Variants in MMP26 observed in about 807,000 individuals in gnomAD.
MMP26 encodes the protein matrix metallopeptidase 26.
MMP26 carries 33 observed loss-of-function variants against 31.0 expected under a neutral mutation model. The observed-to-expected ratio is 1.06, with a 90% CI of 0.81 to 1.42. The LOEUF (loss-of-function observed/expected upper bound fraction) is 1.42, where lower values mean the gene tolerates loss of function less well. Among genes scored for constraint, MMP26 ranks in the 40% most tolerant of loss-of-function variants. The probability of loss-of-function intolerance (pLI) is 0.00; values close to 1 mark genes in which losing one functional copy is unlikely to be tolerated. For missense variants in MMP26, 347 were observed against 316.1 expected (o/e 1.10, Z -0.74); for synonymous variants, 122 against 114.9 (o/e 1.06, Z -0.40).
chr11:4,879,645 G>T (rs879308613), intron 2 of MMP26, among the ~76,000 whole-genome samples: 10 of 152,090 alleles, frequency 6.6e-5, no homozygotes, highest in African/African-American at 1.9e-4. Flanking sequence ...AACTCATAAG[G>T]TTGATTAAGA....
Position 4,856,522 on chromosome 11 carries a change from C to A in MMP26, c.-145+89181C>A, listed in dbSNP as rs555002985. 3.3e-5 allele frequency among the ~76,000 whole-genome samples: 5 copies of A among 152,322 alleles called. No individual in the cohort carries two copies. In the South Asian group the frequency reaches 1.0e-3, roughly 32 times the overall value. ...GGATCAATTCAACAAGAAGAGCTAA[C>A]TGTCCTAAATATATATGCGCCCAAT... On this transcript the variant is annotated intron_variant, in intron 2 of 7. Transcript: ENST00000380390.
chr11:4,733,230 A>C (rs1281161001), intron 1 of MMP26, among the ~76,000 whole-genome samples: 1 of 152,220 alleles, frequency 6.6e-6, no homozygotes, highest in Non-Finnish European at 1.5e-5. Flanking sequence ...TTACATTTGT[A>C]GACCAACTTG....
At chr11:4,817,875 G>A (rs1167231819) in intron 2 of MMP26, among the ~76,000 whole-genome samples, 1 of 152,082 alleles carries the variant, frequency 6.6e-6, no homozygotes, top group Non-Finnish European at 1.5e-5. Context: ...AAATACACTT[G>A]GCTGGAGAGT....
At chr11:4,845,299 A>C (rs1849851658) in intron 2 of MMP26, among the ~76,000 whole-genome samples, 1 of 152,124 alleles carries the variant, frequency 6.6e-6, no homozygotes, top group Non-Finnish European at 1.5e-5. Context: ...TCATGGACTG[A>C]AAGAATAAAT....
intron 2 of MMP26, among the ~76,000 whole-genome samples, chr11:4,920,545 A>G (rs937459093): frequency 4.6e-5 from 7 of 152,176 alleles, no homozygotes; most frequent in African/African-American, 1.4e-4. Context: ...CAGATGTAAG[A>G]AGTGCTCAGA....
intron 6 of MMP26, 120 bp downstream of exon 6, chr11:4,991,616 C>G: frequency 7.9e-7 from 1 of 1,262,454 alleles, no homozygotes. Flanking sequence ...GCTGAGGAAT[C>G]AGGTCTTCTT....
Position 4,989,787 on chromosome 11 carries a change from C to G in MMP26, c.239C>G (p.Pro80Arg). ...DMQMHALLHQ[P>R]HCGVPDGSDT... The stretch of plus-strand genomic sequence containing the variant: ...CAGATGCATGCTCTGCTACACCAGC[C>G]CCACTGTGGGGTGCCTGATGGGTCC... The change falls in exon 4 of 8, where the codon CCC becomes CGC. Residue 80 changes from proline to arginine, a missense_variant. By Grantham distance (103) the Pro-to-Arg change is moderately radical. Coordinates refer to ENST00000380390, the MANE Select transcript of MMP26 (RefSeq NM_021801.5). 1 of 1,613,860 alleles carries G rather than the reference C, an allele frequency of 6.2e-7. No individual in the cohort carries two copies. Among genetic ancestry groups the G allele is most frequent in the Non-Finnish European group, 8.5e-7 (1 of 1,180,028 alleles).
chr11:4,771,478 G>A (rs570185782), intron 2 of MMP26, among the ~76,000 whole-genome samples: 6 of 152,304 alleles, frequency 3.9e-5, no homozygotes, highest in South Asian at 2.1e-4. Context: ...AGGAGACAGC[G>A]AATGAGAAGG....
chr11:4,831,039 T>G (rs538266801), intron 2 of MMP26, among the ~76,000 whole-genome samples: 5 of 152,262 alleles, frequency 3.3e-5, no homozygotes, highest in African/African-American at 1.2e-4. Flanking sequence ...AGCTCCTAAC[T>G]CGGGTCAATA....
intron 2 of MMP26, among the ~76,000 whole-genome samples, chr11:4,918,890 C>T (rs983905992): frequency 3.3e-5 from 5 of 152,190 alleles, no homozygotes; most frequent in African/African-American, 1.2e-4. Context: ...CTCCTTGTTT[C>T]TTGGAAATAA....
intron 2 of MMP26, among the ~76,000 whole-genome samples, chr11:4,969,501 A>C (rs1326159102): frequency 6.6e-6 from 1 of 152,064 alleles, no homozygotes; most frequent in African/African-American, 2.4e-5. Flanking sequence ...TATCTCAAGT[A>C]ATTTACCTGT....
At position 4,965,045 on chromosome 11, in the gene MMP26, C is replaced by T. The variant is rs75284843; in HGVS notation, c.-144-23023C>T. ...GTACACATTTACCTATGTAACAAAC[C>T]TGTCCACATGCTGCACATGTACCGC... On this transcript the variant is annotated intron_variant, in intron 2 of 7. Coordinates refer to ENST00000380390, the MANE Select transcript of MMP26 (RefSeq NM_021801.5). Among the ~76,000 whole-genome samples the T allele has an allele frequency of 5.1e-3, 772 of 152,262 alleles. 2 individuals carry two copies. Among genetic ancestry groups the T allele is most frequent in the South Asian group, 0.016 (77 of 4,826 alleles).
intron 2 of MMP26, among the ~76,000 whole-genome samples, chr11:4,972,383 G>A (rs1048480089): frequency 2.0e-5 from 3 of 152,150 alleles, no homozygotes; most frequent in African/African-American, 7.2e-5. Context: ...TTCATGTTAA[G>A]GAAGGAGATA....
At chr11:4,721,659 G>C (rs1848015144) in intron 1 of MMP26, among the ~76,000 whole-genome samples, 1 of 152,116 alleles carries the variant, frequency 6.6e-6, no homozygotes, top group South Asian at 2.1e-4. Context: ...ATTTTGACTG[G>C]AAACTTGTGC....
chr11:4,729,085 G>T (rs903142161), intron 1 of MMP26, among the ~76,000 whole-genome samples: 42 of 151,158 alleles, frequency 2.8e-4, no homozygotes, highest in African/African-American at 9.7e-4. Context: ...TTTTTGCCAT[G>T]ACTAAAAAAA....
At chr11:4,730,653 T>C (rs1848162237) in intron 1 of MMP26, among the ~76,000 whole-genome samples, 1 of 152,198 alleles carries the variant, frequency 6.6e-6, no homozygotes, top group African/African-American at 2.4e-5. Context: ...TCTGGATCTC[T>C]ATCACAATGC....
rs1019517735 is a variant in MMP26, at chr11:4,781,318, T to C, written c.-145+13977T>C. On this transcript the variant is annotated intron_variant, in intron 2 of 7. Coordinates refer to ENST00000380390, the MANE Select transcript of MMP26 (RefSeq NM_021801.5). ...AAAACTGATTGCAGGGAGGCCGAGG[T>C]GGGTGGATCATGAGGTCAGGAGATC... Among the ~76,000 whole-genome samples, 4 of 71,562 alleles carry C rather than the reference T, an allele frequency of 5.6e-5. No homozygotes were observed. In the East Asian group the frequency reaches 6.0e-4, roughly 11 times the overall value. 46.9% of individuals were successfully genotyped at this position (71,562 alleles called of 152,430 possible).
At chr11:4,935,529 C>T (rs1174501939) in intron 2 of MMP26, among the ~76,000 whole-genome samples, 2 of 151,416 alleles carry the variant, frequency 1.3e-5, no homozygotes, top group African/African-American at 4.8e-5. Flanking sequence ...CAAACAGGGA[C>T]AATTTGACTT....
intron 1 of MMP26, among the ~76,000 whole-genome samples, chr11:4,716,202 C>T (rs1053959630): frequency 9.2e-5 from 14 of 152,194 alleles, no homozygotes; most frequent in Admixed American, 9.2e-4. Flanking sequence ...CAATTAAGAA[C>T]ATGGTACTGG....
Sources: allele counts gnomAD v4.1 joint callset (sites outside exome capture counted in the v4.1 genomes callset), GRCh38; gene constraint gnomAD v4.1.1; transcripts MANE v1.5; gene names NCBI Gene and HGNC (gene_info 2026-07-23, HGNC 2026-07-21).